The following GRID2 variants were observed in gnomAD, a reference collection of about 807,000 sequenced individuals.
GRID2 encodes glutamate receptor ionotropic, delta-2.
In GRID2, 33 loss-of-function variants were observed where a neutral mutation model predicts 114.8. The ratio of observed to expected loss-of-function variants is 0.29; its 90% CI spans 0.22 to 0.38. GRID2 has a LOEUF of 0.38. GRID2 is among the 10% of genes least tolerant of loss of function. The probability of loss-of-function intolerance (pLI) is 1.00; values close to 1 mark genes in which losing one functional copy is unlikely to be tolerated. For missense variants in GRID2, 1,184 were observed against 1,257.7 expected (o/e 0.94, Z 0.89); for synonymous variants, 505 against 449.9 (o/e 1.12, Z -1.55).
chr4:92,523,945 G>A (rs917361411), intron 1 of GRID2, among the ~76,000 whole-genome samples: 1 of 151,986 alleles, frequency 6.6e-6, no homozygotes, highest in African/African-American at 2.4e-5. Flanking sequence ...AAGGAATATA[G>A]GAAACAGGAC....
intron 3 of GRID2, among the ~76,000 whole-genome samples, chr4:93,109,122 G>A (rs920357780): frequency 2.0e-5 from 3 of 152,096 alleles, no homozygotes; most frequent in African/African-American, 7.2e-5. Context: ...TTAATTCATG[G>A]TTCAGAGTCT....
rs73839296 is a variant in GRID2, at chr4:92,369,874, T to G, written c.88+65130T>G. On this transcript the variant is annotated intron_variant, in intron 1 of 15. Coordinates refer to ENST00000282020, the MANE Select transcript of GRID2 (RefSeq NM_001510.4). Reference sequence around the variant, plus strand: ...AAAACCTCAATCAGAAATAGTAAATTGAAACATTTGTTCATAGGTTCTTTT... The same window carrying G: ...AAAACCTCAATCAGAAATAGTAAATGGAAACATTTGTTCATAGGTTCTTTT... Among the ~76,000 whole-genome samples, 1,347 of 152,282 alleles carry G rather than the reference T, an allele frequency of 8.8e-3. 17 individuals carry two copies. The highest frequency in any genetic ancestry group is 0.031 in the African/African-American group (1,296 of 41,570).
At chr4:92,825,977 C>T (rs1158374822) in intron 2 of GRID2, among the ~76,000 whole-genome samples, 1 of 152,112 alleles carries the variant, frequency 6.6e-6, no homozygotes, top group Non-Finnish European at 1.5e-5. Flanking sequence ...CAACTTGGCA[C>T]TCCTTCAGTG....
chr4:93,049,509 A>C (rs1273151432), intron 2 of GRID2, among the ~76,000 whole-genome samples: 3 of 151,324 alleles, frequency 2.0e-5, no homozygotes, highest in African/African-American at 4.8e-5. Flanking sequence ...GTCTGAAATT[A>C]TCCCCCCCCC....
At chr4:92,689,741 T>C (rs528670014) in intron 2 of GRID2, among the ~76,000 whole-genome samples, 1 of 152,340 alleles carries the variant, frequency 6.6e-6, no homozygotes, top group South Asian at 2.1e-4. Context: ...GTGGTTGTTC[T>C]ATACAGATAA....
chr4:93,522,704 G>T (rs1223139973), intron 13 of GRID2, among the ~76,000 whole-genome samples: 1 of 152,076 alleles, frequency 6.6e-6, no homozygotes, highest in Non-Finnish European at 1.5e-5. Flanking sequence ...TGGAATTCTT[G>T]GAATCAGCAA....
intron 2 of GRID2, among the ~76,000 whole-genome samples, chr4:92,920,201 T>C (rs1412023492): frequency 2.6e-5 from 4 of 152,304 alleles, no homozygotes; most frequent in Middle Eastern, 3.4e-3. Context: ...ATTTGCTTGG[T>C]AGATCTTCCT....
intron 2 of GRID2, among the ~76,000 whole-genome samples, chr4:92,877,178 G>C (rs929804702): frequency 6.6e-6 from 1 of 152,158 alleles, no homozygotes; most frequent in Non-Finnish European, 1.5e-5. Context: ...AAGGAAATGA[G>C]AAAAATTTTG....
At chr4:93,387,174 A>T (rs921643732) in intron 8 of GRID2, among the ~76,000 whole-genome samples, 2 of 152,112 alleles carry the variant, frequency 1.3e-5, no homozygotes, top group African/African-American at 4.8e-5. Context: ...TTTCATTTGT[A>T]TGTTGGTGGT....
intron 2 of GRID2, among the ~76,000 whole-genome samples, chr4:92,660,842 G>A (rs977904305): frequency 4.6e-5 from 7 of 151,006 alleles, no homozygotes; most frequent in Admixed American, 3.3e-4. Flanking sequence ...TTTCATTGTA[G>A]CATTTGTGCC....
chr4:93,431,935 T>C (rs1161905636), intron 10 of GRID2, among the ~76,000 whole-genome samples: 2 of 152,174 alleles, frequency 1.3e-5, no homozygotes, highest in African/African-American at 4.8e-5. Flanking sequence ...GAATATAATA[T>C]AATGAGAATG....
chr4:93,080,567 T>G (rs1729768810), intron 2 of GRID2, among the ~76,000 whole-genome samples: 2 of 152,100 alleles, frequency 1.3e-5, no homozygotes, highest in South Asian at 4.1e-4. Flanking sequence ...AGGAGTAGAC[T>G]TAGTCATCTC....
At chr4:93,317,713 C>T (rs1023791319) in intron 8 of GRID2, among the ~76,000 whole-genome samples, 10 of 151,620 alleles carry the variant, frequency 6.6e-5, no homozygotes, top group African/African-American at 2.4e-4. Context: ...ATTTTCTTTG[C>T]GAGTGAGCAG....
chr4:93,212,434 A>G (rs1405854017), intron 5 of GRID2, among the ~76,000 whole-genome samples: 1 of 152,168 alleles, frequency 6.6e-6, no homozygotes, highest in Non-Finnish European at 1.5e-5. Context: ...ACTTGGTAAT[A>G]GTATTTATCT....
chr4:93,226,997 G>A (rs1745557147), intron 7 of GRID2, among the ~76,000 whole-genome samples: 1 of 152,164 alleles, frequency 6.6e-6, no homozygotes, highest in Non-Finnish European at 1.5e-5. Flanking sequence ...GGAATAAGGG[G>A]AGAAGAGTTG....
chr4:93,132,758 G>A (rs563052027), intron 4 of GRID2, among the ~76,000 whole-genome samples: 1 of 152,126 alleles, frequency 6.6e-6, no homozygotes, highest in Non-Finnish European at 1.5e-5. Flanking sequence ...GGAGGGTTGG[G>A]GGTATGGAAA....
At chr4:92,959,658 T>C (rs1752657811) in intron 2 of GRID2, among the ~76,000 whole-genome samples, 1 of 152,104 alleles carries the variant, frequency 6.6e-6, no homozygotes, top group East Asian at 1.9e-4. Flanking sequence ...ATATACACCA[T>C]GGAATACAAT....
At chr4:93,627,949 G>C (rs1742876465) in intron 14 of GRID2, among the ~76,000 whole-genome samples, 1 of 152,110 alleles carries the variant, frequency 6.6e-6, no homozygotes, top group South Asian at 2.1e-4. Flanking sequence ...CAAGGCAGGT[G>C]GATCACTTGA....
chr4:92,601,899 C>T (rs567071783), intron 2 of GRID2, among the ~76,000 whole-genome samples: 42 of 152,066 alleles, frequency 2.8e-4, no homozygotes, highest in African/African-American at 9.6e-4. Flanking sequence ...TGCAAATAAA[C>T]TAGAAAATCT....
Sources: allele counts gnomAD v4.1 joint callset (sites outside exome capture counted in the v4.1 genomes callset), GRCh38; gene constraint gnomAD v4.1.1; transcripts MANE v1.5; gene names NCBI Gene and HGNC (gene_info 2026-07-23, HGNC 2026-07-21).